CHODL: variants seen among roughly 807,000 people sequenced by gnomAD.
CHODL encodes transmembrane protein MT75.
CHODL carries 29 observed loss-of-function variants against 34.5 expected under a neutral mutation model. The ratio of observed to expected loss-of-function variants is 0.84; its 90% CI spans 0.63 to 1.15. CHODL has a LOEUF of 1.15. Among genes scored for constraint, CHODL ranks in the 50% most tolerant of loss-of-function variants. CHODL has a pLI of 0.00. For missense variants in CHODL, 332 were observed against 332.5 expected (o/e 1.00, Z 0.01); for synonymous variants, 125 against 116.1 (o/e 1.08, Z -0.49).
chr21:18,100,394 G>A (rs2065198590), intron 2 of CHODL, among the ~76,000 whole-genome samples: 1 of 152,044 alleles, frequency 6.6e-6, no homozygotes, highest in Non-Finnish European at 1.5e-5. Flanking sequence ...AAATAACAGA[G>A]GAACTAAAAG....
At chr21:18,069,909 C>T (rs1423015105) in intron 2 of CHODL, among the ~76,000 whole-genome samples, 4 of 151,502 alleles carry the variant, frequency 2.6e-5, no homozygotes, top group Non-Finnish European at 5.9e-5. Flanking sequence ...TGCACCAGCC[C>T]AAACTTTTCT....
At chr21:18,261,224 A>G (rs2074378275) in intron 4 of CHODL, among the ~76,000 whole-genome samples, 1 of 152,138 alleles carries the variant, frequency 6.6e-6, no homozygotes, top group African/African-American at 2.4e-5. Context: ...CTTTTTTTGC[A>G]TAGACATGAT....
chr21:17,977,205 T>C (rs2063670302), intron 1 of CHODL, among the ~76,000 whole-genome samples: 2 of 152,132 alleles, frequency 1.3e-5, no homozygotes, highest in South Asian at 2.1e-4. Context: ...GATTAAGGAA[T>C]TTCTCATGTT....
intron 2 of CHODL, among the ~76,000 whole-genome samples, chr21:18,179,705 ATTTCTAAATGTAAAC>A (rs1465479513): frequency 2.6e-5 from 4 of 152,070 alleles, no homozygotes; most frequent in African/African-American, 9.7e-5. Flanking sequence ...GACTCATGAG[ATTTCTAAATGTAAAC>A]TCTTTACACA....
intron 2 of CHODL, among the ~76,000 whole-genome samples, chr21:18,045,980 T>G (rs2064438063): frequency 6.6e-6 from 1 of 151,980 alleles, no homozygotes; most frequent in African/African-American, 2.4e-5. Flanking sequence ...AAATTTCTGT[T>G]CTTTATAAAT....
At chr21:17,950,354 C>G (rs1429311955) in intron 1 of CHODL, among the ~76,000 whole-genome samples, 1 of 151,120 alleles carries the variant, frequency 6.6e-6, no homozygotes, top group Non-Finnish European at 1.5e-5. Flanking sequence ...AGATTAAGAC[C>G]AAACTAGTAG....
At chr21:18,000,886 C>G (rs1407270058) in intron 1 of CHODL, among the ~76,000 whole-genome samples, 2 of 150,616 alleles carry the variant, frequency 1.3e-5, no homozygotes, top group Non-Finnish European at 3.0e-5. Context: ...CTTTTTTTTT[C>G]CTGAGATAGG....
intron 2 of CHODL, among the ~76,000 whole-genome samples, chr21:18,107,910 T>C (rs545195905): frequency 5.3e-5 from 8 of 152,358 alleles, no homozygotes; most frequent in African/African-American, 1.7e-4. Context: ...TGGAGAAAAC[T>C]TTCAATAAGC....
chr21:18,165,363 A>G (rs1051894864), intron 2 of CHODL, among the ~76,000 whole-genome samples: 2 of 152,226 alleles, frequency 1.3e-5, no homozygotes, highest in African/African-American at 4.8e-5. Flanking sequence ...TTAAATAAAG[A>G]TAATTTTGCC....
intron 2 of CHODL, among the ~76,000 whole-genome samples, chr21:18,216,015 C>CT (rs1410219848): frequency 3.3e-5 from 5 of 151,668 alleles, no homozygotes; most frequent in African/African-American, 1.2e-4. Context: ...TATCTTTTTC[C>CT]TTTTTTTGCA....
chr21:18,111,616 A>G (rs543961401), intron 2 of CHODL, among the ~76,000 whole-genome samples: 1 of 152,140 alleles, frequency 6.6e-6, no homozygotes, highest in African/African-American at 2.4e-5. Flanking sequence ...TTAATCACAA[A>G]GTGGGTATGC....
At position 18,138,154 on chromosome 21, in the gene CHODL, CTT is replaced by C. The variant is rs57677614; in HGVS notation, c.-45+110194_-45+110195del. On this transcript the variant is annotated intron_variant, in intron 2 of 6. Transcript: ENST00000400127. ...TCCAACAACTTATATCCTGACTTATCTTTTTTTTTTTTATGTATAGTAGGTCC... is the reference window on the plus strand; with the variant it reads ...TCCAACAACTTATATCCTGACTTATCTTTTTTTTTTATGTATAGTAGGTCC... 3.4e-3 allele frequency among the ~76,000 whole-genome samples: 499 copies of C among 145,144 alleles called. 4 individuals are homozygous for C. The highest frequency in any genetic ancestry group is 0.012 in the African/African-American group (462 of 40,132).
intron 2 of CHODL, among the ~76,000 whole-genome samples, chr21:18,091,639 A>G (rs2065075174): frequency 6.6e-6 from 1 of 152,174 alleles, no homozygotes; most frequent in African/African-American, 2.4e-5. Flanking sequence ...TAGAGAAACA[A>G]GCTGGGCATT....
intron 2 of CHODL, among the ~76,000 whole-genome samples, chr21:18,035,245 G>A (rs914720015): frequency 6.6e-6 from 1 of 151,858 alleles, no homozygotes; most frequent in South Asian, 2.1e-4. Flanking sequence ...ATTTGGCTGG[G>A]TATAGAACAC....
At chr21:18,160,154 T>G (rs1190757118) in intron 2 of CHODL, among the ~76,000 whole-genome samples, 1 of 152,150 alleles carries the variant, frequency 6.6e-6, no homozygotes, top group Non-Finnish European at 1.5e-5. Context: ...TATCATTTTC[T>G]TTAAATCACA....
chr21:18,245,639 G>T (rs1013203128), intron 1 of CHODL, among the ~76,000 whole-genome samples: 2 of 152,096 alleles, frequency 1.3e-5, no homozygotes, highest in African/African-American at 2.4e-5. Flanking sequence ...TGCCAAAGGG[G>T]TGGGGTAGGG....
At chr21:18,102,274 A>G (rs577667011) in intron 2 of CHODL, among the ~76,000 whole-genome samples, 1 of 152,236 alleles carries the variant, frequency 6.6e-6, no homozygotes, top group South Asian at 2.1e-4. Flanking sequence ...TCCTTTTGTC[A>G]TTTCAGGATT....
At chr21:18,130,026 C>G (rs771202120) in intron 2 of CHODL, among the ~76,000 whole-genome samples, 1 of 151,982 alleles carries the variant, frequency 6.6e-6, no homozygotes, top group African/African-American at 2.4e-5. Context: ...AAGCTTGTTT[C>G]TTTCCAGATT....
At chr21:17,990,585 A>G (rs1248603966) in intron 1 of CHODL, among the ~76,000 whole-genome samples, 2 of 152,138 alleles carry the variant, frequency 1.3e-5, no homozygotes, top group Non-Finnish European at 2.9e-5. Flanking sequence ...GCATGTTAGA[A>G]ATATCAATTA....
Sources: allele counts gnomAD v4.1 joint callset (sites outside exome capture counted in the v4.1 genomes callset), GRCh38; gene constraint gnomAD v4.1.1; transcripts MANE v1.5; gene names NCBI Gene and HGNC (gene_info 2026-07-23, HGNC 2026-07-21).